ZBTB7C: variants seen among roughly 807,000 people sequenced by gnomAD.
The protein encoded by ZBTB7C is zinc finger and BTB domain-containing protein 7C.
A neutral mutation model predicts 25.7 loss-of-function variants in ZBTB7C; 8 were observed. The observed-to-expected ratio is 0.31, with a 90% confidence interval of 0.18 to 0.56. The LOEUF (loss-of-function observed/expected upper bound fraction) is 0.56. Among genes scored for constraint, ZBTB7C ranks in the 20% least tolerant of loss-of-function variants. The probability of loss-of-function intolerance (pLI) is 0.91; values close to 1 mark genes in which losing one functional copy is unlikely to be tolerated. For synonymous variants in ZBTB7C, 394 were observed against 369.0 expected (o/e 1.07, Z -0.78); for missense variants, 824 against 855.2 (o/e 0.96, Z 0.46).
chr18:48,127,703 G>A (rs1381057637), intron 3 of ZBTB7C, among the ~76,000 whole-genome samples: 2 of 152,186 alleles, frequency 1.3e-5, no homozygotes, highest in South Asian at 2.1e-4. Flanking sequence ...GTTGGCCGAC[G>A]CTCAGCTCCT....
chr18:48,334,930 A>G (rs919556460), intron 2 of ZBTB7C, among the ~76,000 whole-genome samples: 1 of 152,172 alleles, frequency 6.6e-6, no homozygotes, highest in Non-Finnish European at 1.5e-5. Flanking sequence ...CCCTCACTCC[A>G]CTGGAGTGCA....
At chr18:48,210,356 C>T (rs1460097581) in intron 2 of ZBTB7C, among the ~76,000 whole-genome samples, 1 of 152,192 alleles carries the variant, frequency 6.6e-6, no homozygotes, top group African/African-American at 2.4e-5. Context: ...AAAGCTTATA[C>T]ATGAACTTCA....
chr18:48,356,251 A>G (rs12326831), intron 1 of ZBTB7C, among the ~76,000 whole-genome samples: 11,966 of 152,210 alleles, frequency 0.079, 524 homozygotes, highest in Middle Eastern at 0.12. Context: ...GGCATCTCCA[A>G]GTGAACTCGC....
chr18:48,071,186 T>C (rs1342196917), intron 3 of ZBTB7C, among the ~76,000 whole-genome samples: 1 of 152,168 alleles, frequency 6.6e-6, no homozygotes, highest in East Asian at 1.9e-4. Context: ...ACAGGTACTA[T>C]TTAGAAGATC....
At chr18:48,379,372 T>A (rs1045503300) in intron 1 of ZBTB7C, among the ~76,000 whole-genome samples, 5 of 152,226 alleles carry the variant, frequency 3.3e-5, no homozygotes, top group African/African-American at 1.2e-4. Flanking sequence ...TTAGAATTAC[T>A]TTGTCAATAT....
At chr18:48,060,499 G>T (rs1236750882) in intron 3 of ZBTB7C, among the ~76,000 whole-genome samples, 1 of 152,108 alleles carries the variant, frequency 6.6e-6, no homozygotes, top group Non-Finnish European at 1.5e-5. Context: ...CCTGCCTCCT[G>T]CTGGTTCCCT....
At chr18:48,105,610 G>A (rs191041373) in intron 3 of ZBTB7C, among the ~76,000 whole-genome samples, 2 of 152,196 alleles carry the variant, frequency 1.3e-5, no homozygotes, top group East Asian at 3.9e-4. Context: ...CATTGCCTCT[G>A]GTGATCTCAG....
chr18:48,049,523 C>T (rs1488285049), intron 3 of ZBTB7C, among the ~76,000 whole-genome samples: 1 of 152,146 alleles, frequency 6.6e-6, no homozygotes, highest in Non-Finnish European at 1.5e-5. Context: ...TTCAAATAAA[C>T]AAAGGGGATA....
chr18:48,117,157 T>C (rs932654138), intron 3 of ZBTB7C, among the ~76,000 whole-genome samples: 1 of 152,178 alleles, frequency 6.6e-6, no homozygotes, highest in Non-Finnish European at 1.5e-5. Flanking sequence ...AAACTGGATA[T>C]ACCAGAACAT....
At chr18:48,309,707 AC>A (rs1347797007) in intron 2 of ZBTB7C, among the ~76,000 whole-genome samples, 1 of 152,180 alleles carries the variant, frequency 6.6e-6, no homozygotes, top group Non-Finnish European at 1.5e-5. Context: ...ATAAAGGACA[AC>A]CCTTTTAAGA....
chr18:48,266,229 C>T (rs991589853), intron 2 of ZBTB7C, among the ~76,000 whole-genome samples: 2 of 152,026 alleles, frequency 1.3e-5, no homozygotes, highest in African/African-American at 2.4e-5. Flanking sequence ...CCACCAACAC[C>T]CAGGCCTCCG....
intron 3 of ZBTB7C, among the ~76,000 whole-genome samples, chr18:48,113,807 G>A (rs2039330142): frequency 1.3e-5 from 2 of 152,226 alleles, no homozygotes; most frequent in Non-Finnish European, 2.9e-5. Context: ...CGAGGCGTAC[G>A]CCTGTCCCAC....
intron 4 of ZBTB7C, among the ~76,000 whole-genome samples, chr18:48,032,421 GGT>G: frequency 8.4e-6 from 1 of 119,750 alleles, no homozygotes. Flanking sequence ...GGACAAGGTA[GGT>G]TTTTTTTTTT....
intron 3 of ZBTB7C, among the ~76,000 whole-genome samples, chr18:48,159,902 C>T (rs770247937): frequency 6.6e-6 from 1 of 152,180 alleles, no homozygotes; most frequent in Non-Finnish European, 1.5e-5. Context: ...ATCTGTGGGG[C>T]TGTGGTCTCT....
chr18:48,307,048 A>G (rs1005422466), intron 2 of ZBTB7C, among the ~76,000 whole-genome samples: 1 of 152,152 alleles, frequency 6.6e-6, no homozygotes. Flanking sequence ...CATGCCTGGC[A>G]TGAGAAACAA....
intron 2 of ZBTB7C, among the ~76,000 whole-genome samples, chr18:48,287,828 G>A (rs2045102890): frequency 6.6e-6 from 1 of 152,190 alleles, no homozygotes; most frequent in African/African-American, 2.4e-5. Flanking sequence ...CATCTTATAA[G>A]AGGGTAAGGG....
At chr18:48,156,260 C>T (rs997846093) in intron 3 of ZBTB7C, among the ~76,000 whole-genome samples, 4 of 152,182 alleles carry the variant, frequency 2.6e-5, no homozygotes, top group Non-Finnish European at 5.9e-5. Flanking sequence ...CCACGTGACA[C>T]GGCATGGCGA....
intron 2 of ZBTB7C, among the ~76,000 whole-genome samples, chr18:48,285,553 T>A (rs1264285003): frequency 6.6e-6 from 1 of 152,226 alleles, no homozygotes; most frequent in Non-Finnish European, 1.5e-5. Flanking sequence ...GGTCTCCCTA[T>A]GTTGATCAGG....
chr18:48,294,687 A>G (rs1317066900), intron 2 of ZBTB7C, among the ~76,000 whole-genome samples: 3 of 134,166 alleles, frequency 2.2e-5, no homozygotes, highest in Non-Finnish European at 3.1e-5. Flanking sequence ...CTTCCTGGTC[A>G]CTGCTTGTCC....
Sources: allele counts gnomAD v4.1 joint callset (sites outside exome capture counted in the v4.1 genomes callset), GRCh38; gene constraint gnomAD v4.1.1; transcripts MANE v1.5; gene names NCBI Gene and HGNC (gene_info 2026-07-23, HGNC 2026-07-21).